The following ANKRD42 variants were observed in gnomAD, a reference collection of about 807,000 sequenced individuals.
ANKRD42 encodes the protein ankyrin repeat domain-containing protein 42.
In ANKRD42, 43 loss-of-function variants were observed where a neutral mutation model predicts 51.5. That is an observed-to-expected ratio of 0.83 (90% CI 0.65 to 1.08). The LOEUF is 1.08. Ranked by LOEUF, ANKRD42 falls within the 50% of genes least tolerant of loss-of-function variation. The probability of loss-of-function intolerance (pLI) is 0.00; values close to 1 mark genes in which losing one functional copy is unlikely to be tolerated. For missense variants in ANKRD42, 608 were observed against 629.3 expected (o/e 0.97, Z 0.36); for synonymous variants, 203 against 213.0 (o/e 0.95, Z 0.41).
chr11:83,238,212 G>C (rs551925783), intron 8 of ANKRD42, among the ~76,000 whole-genome samples: 1 of 152,058 alleles, frequency 6.6e-6, no homozygotes, highest in Admixed American at 6.5e-5. Flanking sequence ...AGGTTGAAGG[G>C]CATCTTGATT....
intron 2 of ANKRD42, among the ~76,000 whole-genome samples, chr11:83,200,705 TTG>T (rs955409932): frequency 2.6e-5 from 4 of 152,222 alleles, no homozygotes; most frequent in Non-Finnish European, 5.9e-5. Flanking sequence ...TTTTATTTTT[TTG>T]TGTGTGTGGT....
chr11:83,247,915 G>A (rs376155990), intron 10 of ANKRD42, 28 bp from the exon 11 acceptor site: 1 of 1,567,200 alleles, frequency 6.4e-7, no homozygotes, highest in Non-Finnish European at 8.6e-7. Context: ...ATTGATGATT[G>A]ATTTTTAAAA....
At chr11:83,242,493 A>G (rs1184464821) in intron 9 of ANKRD42, among the ~76,000 whole-genome samples, 1 of 151,470 alleles carries the variant, frequency 6.6e-6, no homozygotes, top group Non-Finnish European at 1.5e-5. Flanking sequence ...AGATGTGGCT[A>G]TGAGGTGTTA....
At position 83,248,037 on chromosome 11, in the gene ANKRD42, C is replaced by A; in HGVS notation, c.1417C>A (p.Gln473Lys). Reference protein sequence around the residue: ...QLDEYRAEVDQLRETLEKIQV... With the variant: ...QLDEYRAEVDKLRETLEKIQV... Reference sequence around the variant, plus strand: ...TGATGAATATCGAGCAGAAGTTGATCAACTCAGGGAAACACTGGAAAAAAT... The same window carrying A: ...TGATGAATATCGAGCAGAAGTTGATAAACTCAGGGAAACACTGGAAAAAAT... The change falls in exon 11 of 11, where the codon CAA (glutamine) becomes AAA (lysine). Residue 473 changes from glutamine (Q) to lysine (K), a missense_variant. By Grantham distance (53) the Gln-to-Lys change is moderately conservative. Transcript: ENST00000533342. The A allele has an allele frequency of 1.2e-6, 2 of 1,607,386 alleles. No homozygotes were observed. The highest frequency in any genetic ancestry group is 2.2e-5 in the East Asian group (1 of 44,614).
At chr11:83,226,210 TACAC>T (rs5793051) in intron 6 of ANKRD42, among the ~76,000 whole-genome samples, 67 of 151,030 alleles carry the variant, frequency 4.4e-4, no homozygotes, top group Non-Finnish European at 8.3e-4. Context: ...TATGTACACA[TACAC>T]ACACACACAC....
intron 8 of ANKRD42, among the ~76,000 whole-genome samples, chr11:83,238,834 A>C (rs1038971786): frequency 1.0e-4 from 14 of 136,684 alleles, no homozygotes; most frequent in African/African-American, 4.1e-4. Flanking sequence ...CTGTCTCCGA[A>C]AAAAAAAAAA....
chr11:83,261,719 C>T (rs942025238), downstream of ANKRD42: 22 of 433,502 alleles, frequency 5.1e-5, no homozygotes, highest in Non-Finnish European at 8.2e-5. Context: ...TAAAGACACA[C>T]ACCTGCACTC....
chr11:83,196,398 A>T (rs7117717), intron 1 of ANKRD42, among the ~76,000 whole-genome samples: 3,002 of 124,756 alleles, frequency 0.024, 95 homozygotes, highest in African/African-American at 0.11. Context: ...AGTGTGTGAG[A>T]GTGTGTGTGT....
intron 5 of ANKRD42, among the ~76,000 whole-genome samples, chr11:83,217,950 A>T (rs1862592482): frequency 6.6e-6 from 1 of 152,112 alleles, no homozygotes; most frequent in Non-Finnish European, 1.5e-5. Flanking sequence ...GGTCCCTGTT[A>T]CAGAACACCG....
At chr11:83,221,866 G>T (rs1862727787) in intron 5 of ANKRD42, among the ~76,000 whole-genome samples, 1 of 152,156 alleles carries the variant, frequency 6.6e-6, no homozygotes, top group Admixed American at 6.5e-5. Context: ...TCTCCCCTTT[G>T]TCTCTGGCTG....
intron 2 of ANKRD42, among the ~76,000 whole-genome samples, chr11:83,202,624 C>T (rs1861915058): frequency 6.6e-6 from 1 of 152,232 alleles, no homozygotes; most frequent in South Asian, 2.1e-4. Flanking sequence ...TCTCTTCCCA[C>T]TGGTTACCTG....
intron 7 of ANKRD42, among the ~76,000 whole-genome samples, chr11:83,234,022 T>G (rs909908018): frequency 6.6e-6 from 1 of 152,230 alleles, no homozygotes; most frequent in Admixed American, 6.5e-5. Flanking sequence ...TCTTTTTTGA[T>G]GTAGGCACTT....
chr11:83,249,054 T>C, downstream of ANKRD42: 1 of 896,722 alleles, frequency 1.1e-6, no homozygotes, highest in East Asian at 1.2e-4. Context: ...AGGCCAGCTG[T>C]ACAGTCATGT....
At chr11:83,207,319 G>A (rs1299839785) in intron 3 of ANKRD42, among the ~76,000 whole-genome samples, 4 of 152,226 alleles carry the variant, frequency 2.6e-5, no homozygotes, top group African/African-American at 9.7e-5. Context: ...CACAGCCAAT[G>A]TACATCACAG....
At chr11:83,237,195 A>G (rs1292556328) in intron 8 of ANKRD42, among the ~76,000 whole-genome samples, 1 of 152,230 alleles carries the variant, frequency 6.6e-6, no homozygotes, top group African/African-American at 2.4e-5. Flanking sequence ...AGAGACAAAT[A>G]TGCAAATAAA....
chr11:83,239,032 G>A (rs753751821), intron 8 of ANKRD42, among the ~76,000 whole-genome samples: 1 of 151,904 alleles, frequency 6.6e-6, no homozygotes, highest in Non-Finnish European at 1.5e-5. Context: ...ATTTCTGTCA[G>A]CAATGGATGT....
chr11:83,234,463 T>C (rs904574096), intron 7 of ANKRD42, among the ~76,000 whole-genome samples: 3 of 152,342 alleles, frequency 2.0e-5, no homozygotes, highest in East Asian at 3.9e-4. Context: ...CTAACAACTA[T>C]ATAATTTTTC....
intron 5 of ANKRD42, among the ~76,000 whole-genome samples, chr11:83,216,585 A>C (rs1330261329): frequency 6.6e-6 from 1 of 151,858 alleles, no homozygotes; most frequent in Non-Finnish European, 1.5e-5. Context: ...CGGCCTCCCA[A>C]AGTGCTGGGA....
At position 83,233,160 on chromosome 11, in the gene ANKRD42, A is replaced by C. The variant is rs151259492; in HGVS notation, c.914-3244A>C. Among the ~76,000 whole-genome samples the C allele has an allele frequency of 3.2e-3, 480 of 150,050 alleles. 3 individuals carry two copies. Among genetic ancestry groups the C allele is most frequent in the African/African-American group, 0.011 (455 of 40,944 alleles). On this transcript the variant is annotated intron_variant, in intron 7 of 10. Coordinates refer to ENST00000533342, the MANE Select transcript of ANKRD42 (RefSeq NM_001300975.2). ...GAATAGTTTGAGTAGGATTGGTATTAGTTCTTCTTTAAATGTTTGATAGAA... is the reference window on the plus strand; with the variant it reads ...GAATAGTTTGAGTAGGATTGGTATTCGTTCTTCTTTAAATGTTTGATAGAA...
Sources: allele counts gnomAD v4.1 joint callset (sites outside exome capture counted in the v4.1 genomes callset), GRCh38; gene constraint gnomAD v4.1.1; transcripts MANE v1.5; gene names NCBI Gene and HGNC (gene_info 2026-07-23, HGNC 2026-07-21).